The following FHAD1 variants were observed in gnomAD, a reference collection of about 807,000 sequenced individuals.
The protein encoded by FHAD1 is forkhead associated phosphopeptide binding domain 1.
FHAD1 carries 146 observed loss-of-function variants against 191.3 expected under a neutral mutation model. The ratio of observed to expected loss-of-function variants is 0.76; its 90% CI spans 0.67 to 0.88. The LOEUF (loss-of-function observed/expected upper bound fraction) is 0.88, where lower values mean the gene tolerates loss of function less well. Among genes scored for constraint, FHAD1 ranks in the 40% least tolerant of loss-of-function variants. The pLI is 0.00. For synonymous variants in FHAD1, 616 were observed against 672.3 expected (o/e 0.92, Z 1.29); for missense variants, 1,635 against 1,785.8 (o/e 0.92, Z 1.52).
At chr1:15,359,198 G>A (rs1358740673) in intron 21 of FHAD1, among the ~76,000 whole-genome samples, 1 of 152,134 alleles carries the variant, frequency 6.6e-6, no homozygotes, top group African/African-American at 2.4e-5. Flanking sequence ...GGAGTAAGGC[G>A]AGGATAGGGC....
chr1:15,365,479 T>A (rs1696108284), intron 23 of FHAD1, among the ~76,000 whole-genome samples: 2 of 144,766 alleles, frequency 1.4e-5, no homozygotes, highest in Non-Finnish European at 3.0e-5. Context: ...TATGCCTGGC[T>A]AATTTTTTTT....
intron 22 of FHAD1, 92 bp downstream of exon 22, chr1:15,360,795 G>C: frequency 9.5e-7 from 1 of 1,056,586 alleles, no homozygotes; most frequent in Non-Finnish European, 1.4e-6. Context: ...TAAGAAAAAG[G>C]CCGTGCCTCA....
At chr1:15,241,611 C>T (rs55957719) in intron 1 of FHAD1, among the ~76,000 whole-genome samples, 699 of 152,194 alleles carry the variant, frequency 4.6e-3, no homozygotes, top group Non-Finnish European at 7.3e-3. Flanking sequence ...TATCATGGCA[C>T]TCTACCCTGG....
chr1:15,315,804 C>CA (rs1270398314), intron 8 of FHAD1, among the ~76,000 whole-genome samples: 1 of 152,048 alleles, frequency 6.6e-6, no homozygotes, highest in Non-Finnish European at 1.5e-5. Flanking sequence ...CCTTTTTGTT[C>CA]ACTATGGCTA....
At chr1:15,341,263 T>C (rs1686556144) in intron 15 of FHAD1, among the ~76,000 whole-genome samples, 1 of 152,218 alleles carries the variant, frequency 6.6e-6, no homozygotes, top group South Asian at 2.1e-4. Context: ...GGCTGTAGTT[T>C]GTCAACCCCT....
At chr1:15,307,254 C>G (rs1670786641) in intron 6 of FHAD1, among the ~76,000 whole-genome samples, 1 of 152,190 alleles carries the variant, frequency 6.6e-6, no homozygotes, top group Non-Finnish European at 1.5e-5. Context: ...TGTATTTACC[C>G]AATACCTGTA....
rs143328382 is a variant in FHAD1 at position 15,311,282 on chromosome 1, G to A, written c.1040-1775G>A. On this transcript the variant is annotated intron_variant, in intron 7 of 33. Transcript: ENST00000688493. This position sits in a 1 kb window ranked among gnomAD's most constrained non-coding sequence, Gnocchi z 4.1. ...GCACCCCGGAGATCTCAGAGGGTCCGCCTCAAGTCTTCAGCAGAGTCAGGT... is the reference window on the plus strand; with the variant it reads ...GCACCCCGGAGATCTCAGAGGGTCCACCTCAAGTCTTCAGCAGAGTCAGGT... Among the ~76,000 whole-genome samples, 5 of 152,158 alleles carry A rather than the reference G, an allele frequency of 3.3e-5. No homozygotes were observed. Among genetic ancestry groups the A allele is most frequent in the Admixed American group, 1.3e-4 (2 of 15,282 alleles).
At chr1:15,292,775 C>T (rs1665320189) in intron 4 of FHAD1, among the ~76,000 whole-genome samples, 1 of 152,090 alleles carries the variant, frequency 6.6e-6, no homozygotes, top group African/African-American at 2.4e-5. Context: ...CGGCCAACAC[C>T]TTGATCTTTC....
intron 23 of FHAD1, among the ~76,000 whole-genome samples, chr1:15,363,386 A>T (rs1695438025): frequency 6.6e-6 from 1 of 152,204 alleles, no homozygotes. Context: ...TTGGGGGTTA[A>T]GTTTCAACTT....
intron 6 of FHAD1, 99 bp downstream of exon 6, chr1:15,301,540 G>A (rs1028589043): frequency 6.4e-6 from 6 of 942,198 alleles, no homozygotes; most frequent in Middle Eastern, 3.2e-4. Context: ...TAGGGAACGC[G>A]TGGTCAGTGG....
Position 15,318,721 on chromosome 1 carries a change from G to A in FHAD1, c.1365+793G>A, listed in dbSNP as rs1211405041. ...CGTTCCAAGTGCATAGTAGCCACGT[G>A]TAGCTGGTGGCTGCTGCACTGGACA... On this transcript the variant is annotated intron_variant, in intron 10 of 33. Coordinates refer to ENST00000688493, the MANE Select transcript of FHAD1 (RefSeq NM_001391957.1). The surrounding 1 kb of genome is among the most constrained non-coding windows in gnomAD (Gnocchi z 4.1). Among the ~76,000 whole-genome samples the A allele has an allele frequency of 1.3e-5, 2 of 152,222 alleles. No homozygotes were observed. Among genetic ancestry groups the A allele is most frequent in the Non-Finnish European group, 2.9e-5 (2 of 68,046 alleles).
chr1:15,252,880 T>A (rs759982439), intron 2 of FHAD1, among the ~76,000 whole-genome samples: 2 of 152,152 alleles, frequency 1.3e-5, no homozygotes, highest in Non-Finnish European at 2.9e-5. Flanking sequence ...AACAGTGGAT[T>A]TGAGCCTTTT....
At chr1:15,293,442 A>C (rs377259072) in intron 4 of FHAD1, among the ~76,000 whole-genome samples, 1 of 152,168 alleles carries the variant, frequency 6.6e-6, no homozygotes, top group Non-Finnish European at 1.5e-5. Context: ...CCTTGTGGCC[A>C]GGCGCGGTGG....
At chr1:15,371,324 T>G (rs1330396608) in intron 26 of FHAD1, among the ~76,000 whole-genome samples, 1 of 152,160 alleles carries the variant, frequency 6.6e-6, no homozygotes, top group African/African-American at 2.4e-5. Context: ...CCCTTGATTT[T>G]TAGTTTATAT....
chr1:15,322,578 T>C (rs1676670575), intron 10 of FHAD1, among the ~76,000 whole-genome samples: 3 of 152,222 alleles, frequency 2.0e-5, no homozygotes, highest in Admixed American at 2.0e-4. Context: ...TGAAATTAAA[T>C]ATAATGTAAA....
At chr1:15,324,942 A>G (rs1470137797) in intron 11 of FHAD1, 4 of 268,294 alleles carry the variant, frequency 1.5e-5, no homozygotes, top group Non-Finnish European at 2.2e-5. Flanking sequence ...AGCAGACATT[A>G]CAGACAGTGT....
rs1177698162 is a variant in FHAD1 at position 15,330,180 on chromosome 1, T to C, written c.1906+639T>C. On this transcript the variant is annotated intron_variant, in intron 14 of 33. Transcript: ENST00000688493. ...CCATTGTGTAGGATGTGCCATTGTT[T>C]TAGACAATCCCCTATCATGGGCACT... 2.0e-5 allele frequency: 3 copies of C among 152,472 alleles called. No individual in the cohort carries two copies. In the East Asian group the frequency reaches 5.8e-4, roughly 29 times the overall value. 9.4% of individuals were successfully genotyped at this position (152,472 alleles called of 1,614,324 possible).
At position 15,293,683 on chromosome 1, in the gene FHAD1, A is replaced by C. The variant is rs185852376; in HGVS notation, c.569-3001A>C. On this transcript the variant is annotated intron_variant, in intron 4 of 33. Coordinates refer to ENST00000688493, the MANE Select transcript of FHAD1 (RefSeq NM_001391957.1). ...CAGTGAGCTGAGATTGTGCCACTGC[A>C]CTCCAGCCTGGGCGGACAGAGCAAG... Among the ~76,000 whole-genome samples the C allele has an allele frequency of 1.8e-3, 268 of 152,240 alleles. 1 individual carries two copies. The highest frequency in any genetic ancestry group is 6.1e-3 in the African/African-American group (255 of 41,532).
chr1:15,289,762 C>T lies in FHAD1; in HGVS notation c.568+96C>T. On this transcript the variant is annotated intron_variant, in intron 4 of 33. Coordinates refer to ENST00000688493, the MANE Select transcript of FHAD1 (RefSeq NM_001391957.1). This position sits in a 1 kb window ranked among gnomAD's most constrained non-coding sequence, Gnocchi z 4.2. Reference sequence around the variant, plus strand: ...TTACTTTCTGATTCTAAAAGTAGAACATATTCAATTGTAAAAAATGAAAAT... The same window carrying T: ...TTACTTTCTGATTCTAAAAGTAGAATATATTCAATTGTAAAAAATGAAAAT... 3 of 1,410,014 alleles carry T rather than the reference C, an allele frequency of 2.1e-6. No homozygotes were observed. The highest frequency in any genetic ancestry group is 2.8e-6 in the Non-Finnish European group (3 of 1,069,646). The allele number at this position is 1,410,014 out of a possible 1,614,324, so 87.3% of individuals were successfully genotyped here.
Sources: gnomAD v4.1 joint callset for allele counts (sites outside exome capture counted in the v4.1 genomes callset) on GRCh38, gnomAD v4.1.1 for gene constraint, Gnocchi (gnomAD v3.1) non-coding constraint, MANE v1.5 for transcripts, NCBI Gene and HGNC (gene_info 2026-07-23, HGNC 2026-07-21) for gene names.